The following UBXN2A variants were observed in gnomAD, a reference collection of about 807,000 sequenced individuals.
The protein encoded by UBXN2A is UBX domain-containing protein 2A.
A neutral mutation model predicts 28.4 loss-of-function variants in UBXN2A; 28 were observed. The ratio of observed to expected loss-of-function variants is 0.99; its 90% confidence interval spans 0.73 to 1.35. The LOEUF (loss-of-function observed/expected upper bound fraction) is 1.35. Among genes scored for constraint, UBXN2A ranks in the 40% most tolerant of loss-of-function variants. The probability of loss-of-function intolerance (pLI) is 0.00; values close to 1 mark genes in which losing one functional copy is unlikely to be tolerated. For missense variants in UBXN2A, 253 were observed against 297.9 expected (o/e 0.85, Z 1.11); for synonymous variants, 97 against 103.6 (o/e 0.94, Z 0.39).
rs369311013 is a variant in UBXN2A, at chr2:23,969,597, A to G, written c.42-1679A>G. Among the ~76,000 whole-genome samples, 13 of 151,858 alleles carry G rather than the reference A, an allele frequency of 8.6e-5. No homozygotes were observed. The East Asian group carries it at 2.5e-3, about 30-fold the overall frequency. On this transcript the variant is annotated intron_variant, in intron 2 of 6. Transcript: ENST00000309033. ...AGAATGGTCTCAATCTCTTGACTTC[A>G]TGATCCTCCCGCCTTGGCCTCTCAA...
chr2:23,981,303 C>CAAAAA (rs34236089), intron 4 of UBXN2A, among the ~76,000 whole-genome samples: 4 of 69,474 alleles, frequency 5.8e-5, no homozygotes, highest in Admixed American at 1.9e-4. Context: ...CCTGTCTCTA[C>CAAAAA]AAAAAAAAAA....
At chr2:23,982,283 C>T (rs1351937242) in intron 4 of UBXN2A, among the ~76,000 whole-genome samples, 8 of 151,622 alleles carry the variant, frequency 5.3e-5, no homozygotes, top group African/African-American at 1.2e-4. Flanking sequence ...AGGAGAATGG[C>T]GTGAACCCGG....
chr2:23,935,912 T>C (rs544209147), upstream of UBXN2A, among the ~76,000 whole-genome samples: 57 of 152,180 alleles, frequency 3.7e-4, no homozygotes, highest in African/African-American at 1.3e-3. Flanking sequence ...TAGCTGGGCA[T>C]GGTTGGGGGG....
chr2:23,930,873 A>T (rs904315138), intron 1 of UBXN2A, among the ~76,000 whole-genome samples: 15 of 150,936 alleles, frequency 9.9e-5, no homozygotes, highest in East Asian at 1.9e-4. Context: ...AATAAAATTT[A>T]AAAAAAAAGG....
At chr2:23,950,507 A>G (rs7594510) in intron 1 of UBXN2A, among the ~76,000 whole-genome samples, 18,279 of 150,746 alleles carry the variant, frequency 0.12, 1,190 homozygotes, top group Middle Eastern at 0.22. Flanking sequence ...GGGTTCCAGC[A>G]ATTCTCCCAC....
upstream of UBXN2A, among the ~76,000 whole-genome samples, chr2:23,938,029 T>C (rs1051474258): frequency 6.6e-6 from 1 of 152,194 alleles, no homozygotes; most frequent in Non-Finnish European, 1.5e-5. Flanking sequence ...CCTTATAATC[T>C]TATGTGACCA....
At chr2:23,955,138 G>A (rs1056968527) in intron 1 of UBXN2A, among the ~76,000 whole-genome samples, 43 of 151,950 alleles carry the variant, frequency 2.8e-4, no homozygotes, top group Admixed American at 7.9e-4. Flanking sequence ...TCACCTTGCT[G>A]TCCAGAATGG....
At chr2:23,935,165 A>C (rs1432417496) in intron 1 of UBXN2A, among the ~76,000 whole-genome samples, 1 of 152,214 alleles carries the variant, frequency 6.6e-6, no homozygotes, top group Non-Finnish European at 1.5e-5. Context: ...TCTTCATGAC[A>C]TTGTATTTGG....
At chr2:23,943,606 G>C (rs1029524129) in intron 1 of UBXN2A, among the ~76,000 whole-genome samples, 1 of 152,076 alleles carries the variant, frequency 6.6e-6, no homozygotes, top group Admixed American at 6.6e-5. Context: ...TCCTGCCTCA[G>C]CCTCCCAAGT....
At chr2:23,970,492 C>T (rs1418618373) in intron 2 of UBXN2A, among the ~76,000 whole-genome samples, 2 of 152,034 alleles carry the variant, frequency 1.3e-5, no homozygotes, top group African/African-American at 4.8e-5. Context: ...TACTGTTTAA[C>T]ATTCTGCAAC....
chr2:23,968,915 A>G (rs1325963312), intron 2 of UBXN2A: 3 of 135,480 alleles, frequency 2.2e-5, no homozygotes, highest in African/African-American at 8.4e-5. Flanking sequence ...TTTTTTTGAG[A>G]CAGAGTCTCT....
chr2:23,963,393 T>C (rs1244810898), intron 2 of UBXN2A, among the ~76,000 whole-genome samples: 1 of 149,170 alleles, frequency 6.7e-6, no homozygotes, highest in African/African-American at 2.5e-5. Flanking sequence ...CACACACTTG[T>C]AATCCCAACT....
chr2:23,944,515 G>A (rs72796378), intron 1 of UBXN2A, among the ~76,000 whole-genome samples: 28,156 of 152,162 alleles, frequency 0.19, 2,702 homozygotes, highest in Middle Eastern at 0.26. Context: ...AGACCGTAAT[G>A]GTGGAAAAGG....
intron 1 of UBXN2A, among the ~76,000 whole-genome samples, chr2:23,934,648 G>A (rs1409674248): frequency 6.6e-6 from 1 of 152,162 alleles, no homozygotes; most frequent in African/African-American, 2.4e-5. Context: ...ACTTTGGAGA[G>A]TATCTAATAA....
At chr2:23,968,503 C>G (rs1707266287) in intron 2 of UBXN2A, among the ~76,000 whole-genome samples, 1 of 151,928 alleles carries the variant, frequency 6.6e-6, no homozygotes, top group Non-Finnish European at 1.5e-5. Flanking sequence ...GAAACCCTGT[C>G]TCTACTGAAA....
At chr2:23,987,109 A>AG (rs1485175116) in intron 6 of UBXN2A, among the ~76,000 whole-genome samples, 2 of 151,948 alleles carry the variant, frequency 1.3e-5, no homozygotes, top group African/African-American at 4.8e-5. Context: ...AAAAAAAAAA[A>AG]GTTTGTTTTG....
At chr2:23,944,113 C>G in intron 1 of UBXN2A, 1 of 762,536 alleles carries the variant, frequency 1.3e-6, no homozygotes, top group Admixed American at 1.8e-5. Flanking sequence ...CATGTCAGCC[C>G]TGTTACTCCC....
At chr2:23,996,192 G>A (rs1384285966) in intron 6 of UBXN2A, among the ~76,000 whole-genome samples, 7 of 145,380 alleles carry the variant, frequency 4.8e-5, no homozygotes, top group East Asian at 4.3e-4. Flanking sequence ...TCAGCCTCCC[G>A]AGTAGCTGGG....
At chr2:23,950,204 A>T (rs1706296260) in intron 1 of UBXN2A, among the ~76,000 whole-genome samples, 1 of 152,070 alleles carries the variant, frequency 6.6e-6, no homozygotes, top group African/African-American at 2.4e-5. Context: ...GCTTAGGAGG[A>T]GACTATTACT....
Sources: allele counts gnomAD v4.1 joint callset (sites outside exome capture counted in the v4.1 genomes callset), GRCh38; gene constraint gnomAD v4.1.1; transcripts MANE v1.5; gene names NCBI Gene and HGNC (gene_info 2026-07-23, HGNC 2026-07-21).